The following TARBP1 variants were observed in gnomAD, a reference collection of about 807,000 sequenced individuals.
TARBP1 encodes the protein tRNA (guanosine(18)-2'-O)-methyltransferase TARBP1.
TARBP1 carries 144 observed loss-of-function variants against 178.6 expected under a neutral mutation model. The ratio of observed to expected loss-of-function variants is 0.81; its 90% CI spans 0.70 to 0.93. TARBP1 has a LOEUF of 0.93. Among genes scored for constraint, TARBP1 ranks in the 40% least tolerant of loss-of-function variants. The pLI, the probability that TARBP1 is intolerant of heterozygous loss-of-function variation, is 0.00. For synonymous variants in TARBP1, 787 were observed against 781.0 expected, an observed-to-expected ratio of 1.01 and a Z score of -0.13; for missense variants, 2,067 against 2,011.7, an observed-to-expected ratio of 1.03 and a Z score of -0.53.
At chr1:234,440,383 A>T (rs889664890) in intron 12 of TARBP1, among the ~76,000 whole-genome samples, 3 of 152,118 alleles carry the variant, frequency 2.0e-5, no homozygotes, top group Non-Finnish European at 4.4e-5. Context: ...TCTATAAAAA[A>T]AAAATCAATG....
rs754412620 is a variant in TARBP1, at chr1:234,471,162, A to AAAAAT, written c.1099+21_1099+25dup. The AAAAAT allele has an allele frequency of 2.6e-6, 4 of 1,528,784 alleles. No homozygotes were observed. In the South Asian group the frequency reaches 4.9e-5, roughly 19 times the overall value. 94.7% of individuals were successfully genotyped at this position (1,528,784 alleles called of 1,614,324 possible). On this transcript the variant is annotated intron_variant, in intron 3 of 29. Coordinates refer to ENST00000040877, the MANE Select transcript of TARBP1 (RefSeq NM_005646.4). Reference sequence around the variant, plus strand: ...CAGGGGAAAACCATAAATGTTATTAAAAAATAAAATAAAAGTAATCGTTAC... The same window carrying AAAAAT: ...CAGGGGAAAACCATAAATGTTATTAAAAAATAAAATAAAATAAAAGTAATCGTTAC...
Position 234,429,325 on chromosome 1 carries a change from CTGGT to C in TARBP1, c.2872-5_2872-2del. ...AGAGTGATTCAGAGGAAGTCAGAAG[CTGGT>C]AGGAAAAAAAAAAATACATACTTAT... On this transcript the variant is annotated splice_acceptor_variant and splice_polypyrimidine_tract_variant and intron_variant, in intron 16 of 29. Coordinates refer to ENST00000040877, the MANE Select transcript of TARBP1 (RefSeq NM_005646.4). LOFTEE classifies it high-confidence loss of function. 6.4e-7 allele frequency: 1 copy of C among 1,566,502 alleles called. No homozygotes were observed. The highest frequency in any genetic ancestry group is 8.6e-7 in the Non-Finnish European group (1 of 1,164,704).
At chr1:234,448,603 T>C (rs1335768785) in intron 10 of TARBP1, 24 bp from the exon 11 acceptor site, 1 of 1,590,288 alleles carries the variant, frequency 6.3e-7, no homozygotes. Flanking sequence ...AGTTAAGGTT[T>C]GCAAAGCATT....
intron 12 of TARBP1, among the ~76,000 whole-genome samples, chr1:234,442,230 A>G (rs1035375468): frequency 6.6e-6 from 1 of 152,204 alleles, no homozygotes; most frequent in Non-Finnish European, 1.5e-5. Flanking sequence ...AAACAAAACA[A>G]AAATAAACTG....
At position 234,457,686 on chromosome 1, in the gene TARBP1, C is replaced by T. The variant is rs1411960409; in HGVS notation, c.1703G>A (p.Gly568Glu). 6.2e-7 allele frequency: 1 copy of T among 1,608,388 alleles called. No homozygotes were observed. Among genetic ancestry groups the T allele is most frequent in the Admixed American group, 1.7e-5 (1 of 59,606 alleles). Residue 568 changes from glycine to glutamate, a missense_variant, in exon 9 of 30, where the codon GGA (glycine) becomes GAA (glutamate). Gly to Glu is a moderately conservative substitution (Grantham distance 98). Transcript: ENST00000040877. ...TCTCACCTCTGTCCACAATGAAGTT[C>T]CTCGTCCTAAGGATTCCTCTTGTCT... is the stretch of plus-strand genomic sequence containing the variant. ...SLRQEESLGR[G>E]TSLWTELCDW...
intron 3 of TARBP1, among the ~76,000 whole-genome samples, chr1:234,468,701 C>A (rs932605266): frequency 6.6e-6 from 1 of 152,002 alleles, no homozygotes; most frequent in Admixed American, 6.6e-5. Flanking sequence ...AAGGCATGAA[C>A]TGACCTTGAC....
intron 23 of TARBP1, among the ~76,000 whole-genome samples, chr1:234,408,446 G>C (rs925158267): frequency 1.3e-5 from 2 of 152,146 alleles, no homozygotes; most frequent in African/African-American, 4.8e-5. Context: ...CTTCTTGTCT[G>C]GGGACTAGAT....
chr1:234,434,677 T>C (rs1339663523), intron 13 of TARBP1, among the ~76,000 whole-genome samples: 4 of 152,152 alleles, frequency 2.6e-5, no homozygotes, highest in Non-Finnish European at 5.9e-5. Flanking sequence ...AAGGGTGGTC[T>C]GAGGTGGAGA....
In TARBP1 at chr1:234,467,505, A is replaced by G. The variant is rs770819162; in HGVS notation, c.1245T>C (p.Ser415=). ...TKILPFSPEF[S]EFIIGPLMDA... Reference sequence around the variant, plus strand: ...GAAGGGGACAGGGTGTCATTACCTCAGAAAATTCTGGTGAAAATGGAAGAA... The same window carrying G: ...GAAGGGGACAGGGTGTCATTACCTCGGAAAATTCTGGTGAAAATGGAAGAA... The change falls in exon 4 of 30, where the codon TCT becomes TCC. Residue 415 remains serine, a synonymous_variant. Coordinates refer to ENST00000040877, the MANE Select transcript of TARBP1 (RefSeq NM_005646.4). The G allele has an allele frequency of 5.0e-6, 8 of 1,586,720 alleles. No homozygotes were observed. In the South Asian group the frequency reaches 8.2e-5, roughly 16 times the overall value.
chr1:234,403,912 T>C (rs889895977), intron 24 of TARBP1, among the ~76,000 whole-genome samples: 2 of 152,128 alleles, frequency 1.3e-5, no homozygotes, highest in African/African-American at 4.8e-5. Context: ...GGTCTCGAAC[T>C]CCTGACCTCA....
At chr1:234,472,873 G>T in intron 1 of TARBP1, 62 bp from the exon 2 acceptor site, 1 of 1,237,234 alleles carries the variant, frequency 8.1e-7, no homozygotes, top group Non-Finnish European at 1.2e-6. Context: ...GTTTCTCAAT[G>T]ACAGCAGTTC....
chr1:234,456,065 T>C (rs950390221), intron 9 of TARBP1, among the ~76,000 whole-genome samples: 1 of 152,260 alleles, frequency 6.6e-6, no homozygotes. Flanking sequence ...ATAAAGTGGA[T>C]GTCCACTGTC....
At chr1:234,435,002 G>A (rs1263928361) in intron 13 of TARBP1, among the ~76,000 whole-genome samples, 1 of 152,220 alleles carries the variant, frequency 6.6e-6, no homozygotes, top group African/African-American at 2.4e-5. Context: ...TATCCATTAA[G>A]TTTATGAAAA....
chr1:234,441,589 G>A (rs1195988333), intron 12 of TARBP1, among the ~76,000 whole-genome samples: 2 of 152,064 alleles, frequency 1.3e-5, no homozygotes, highest in African/African-American at 4.8e-5. Flanking sequence ...CCCATTAAAG[G>A]TATCTAATTC....
chr1:234,436,453 A>C, intron 13 of TARBP1, among the ~76,000 whole-genome samples: 1 of 152,318 alleles, frequency 6.6e-6, no homozygotes, highest in Middle Eastern at 3.4e-3. Flanking sequence ...GATAAAAATT[A>C]AGGAAGATAT....
At chr1:234,453,329 GTTT>G (rs374906747) in intron 9 of TARBP1, among the ~76,000 whole-genome samples, 1 of 89,976 alleles carries the variant, frequency 1.1e-5, no homozygotes, top group Non-Finnish European at 2.5e-5. Flanking sequence ...TTTTTTGTGT[GTTT>G]TTTTTTTTTT....
Position 234,467,525 on chromosome 1 carries a change from G to T in TARBP1, c.1225C>A (p.Pro409Thr), listed in dbSNP as rs746040452. 6.3e-7 allele frequency: 1 copy of T among 1,592,226 alleles called. No homozygotes were observed. The highest frequency in any genetic ancestry group is 1.4e-5 in the African/African-American group (1 of 73,662). Reference protein sequence around the residue: ...FLELYETKILPFSPEFSEFII... With the variant: ...FLELYETKILTFSPEFSEFII... Reference sequence around the variant, plus strand: ...ACCTCAGAAAATTCTGGTGAAAATGGAAGAATCTTTGTTTCATACAGCTCC... The same window carrying T: ...ACCTCAGAAAATTCTGGTGAAAATGTAAGAATCTTTGTTTCATACAGCTCC... Residue 409 changes from proline to threonine, a missense_variant, in exon 4 of 30, where the codon CCA (proline) becomes ACA (threonine). Transcript: ENST00000040877.
Position 234,401,239 on chromosome 1 carries a change from C to T in TARBP1, c.4013G>A (p.Arg1338His), listed in dbSNP as rs201389692. Residue 1338 changes from arginine to histidine, a missense_variant, in exon 25 of 30, where the codon CGC becomes CAC. By Grantham distance (29) the Arg-to-His change is conservative (BLOSUM62 0). Transcript: ENST00000040877. ...TGCAAAAAAGAAATGCTCCTGAATG[C>T]GTTGCCAATTCTTCTTGGCATTCCT... ...GAGNAKKNWQ[R>H]IQEHFFFATF... The T allele has an allele frequency of 2.2e-5, 35 of 1,613,260 alleles. No homozygotes were observed. Among genetic ancestry groups the T allele is most frequent in the Admixed American group, 1.5e-4 (9 of 60,000 alleles).
intron 20 of TARBP1, among the ~76,000 whole-genome samples, chr1:234,424,218 C>A (rs1342698381): frequency 2.0e-5 from 3 of 152,210 alleles, no homozygotes; most frequent in Non-Finnish European, 4.4e-5. Flanking sequence ...GCAGACCAGG[C>A]ACTCCGCTGA....
Sources: gnomAD v4.1 joint callset for allele counts (sites outside exome capture counted in the v4.1 genomes callset) on GRCh38, gnomAD v4.1.1 for gene constraint, MANE v1.5 for transcripts, NCBI Gene and HGNC (gene_info 2026-07-23, HGNC 2026-07-21) for gene names.